Variants in ITGB1 observed in about 807,000 individuals in gnomAD.
ITGB1 encodes integrin subunit beta 1.
A neutral mutation model predicts 86.5 loss-of-function variants in ITGB1; 24 were observed. The observed-to-expected ratio is 0.28, with a 90% CI of 0.20 to 0.39. ITGB1 has a LOEUF of 0.39. Ranked by LOEUF, ITGB1 falls within the 10% of genes least tolerant of loss-of-function variation. ITGB1 has a pLI of 1.00. For synonymous variants in ITGB1, 323 were observed against 316.8 expected, an observed-to-expected ratio of 1.02 and a Z score of -0.21; for missense variants, 556 against 946.9, an observed-to-expected ratio of 0.59 and a Z score of 5.42.
chr10:32,925,727 AAGGGTTT>A lies in ITGB1; in HGVS notation c.786+137_786+143del, dbSNP rs1357900790. On this transcript the variant is annotated intron_variant, in intron 6 of 15. Coordinates refer to ENST00000302278, the MANE Select transcript of ITGB1 (RefSeq NM_002211.4). ...GGCACTTTATGTATACAGGCAATTT[AAGGGTTT>A]ACTTAAAATTACTTCTCTAAGATAA... The A allele has an allele frequency of 4.6e-6, 3 of 647,306 alleles. No individual in the cohort carries two copies. The East Asian group carries it at 8.0e-5, about 17-fold the overall frequency. The allele number at this position is 647,306 out of a possible 1,614,324, so 40.1% of individuals were successfully genotyped here.
At chr10:32,950,852 C>T (rs1325096890) in intron 1 of ITGB1, among the ~76,000 whole-genome samples, 1 of 152,270 alleles carries the variant, frequency 6.6e-6, no homozygotes, top group Non-Finnish European at 1.5e-5. Flanking sequence ...GCTCACAACA[C>T]GGCGAGATAC....
intron 1 of ITGB1, among the ~76,000 whole-genome samples, chr10:32,952,886 A>T (rs2095045293): frequency 6.6e-6 from 1 of 152,156 alleles, no homozygotes; most frequent in Admixed American, 6.5e-5. Context: ...TTAATAATAT[A>T]GTGTTATTTC....
Position 32,918,578 on chromosome 10 carries a change from T to C in ITGB1, c.1469+1307A>G, listed in dbSNP as rs150122882. 7.7e-3 allele frequency among the ~76,000 whole-genome samples: 1,166 copies of C among 152,234 alleles called. 7 individuals are homozygous for C. Among genetic ancestry groups the C allele is most frequent in the Middle Eastern group, 0.02 (6 of 294 alleles). The stretch of plus-strand genomic sequence containing the variant: ...GCCACTCAAGTTCATATGGAATATA[T>C]GCAAGAGTCTAGGAAAAAAATTTCT... On this transcript the variant is annotated intron_variant, in intron 11 of 15. Coordinates refer to ENST00000302278, the MANE Select transcript of ITGB1 (RefSeq NM_002211.4).
At chr10:32,924,571 AAC>A (rs1162871632) in intron 6 of ITGB1, among the ~76,000 whole-genome samples, 1 of 152,174 alleles carries the variant, frequency 6.6e-6, no homozygotes, top group African/African-American at 2.4e-5. Flanking sequence ...CAGCATGACC[AAC>A]ACAGAAAAAC....
rs2094970684 is a variant in ITGB1, at chr10:32,927,982, CTTGT to C, written c.547+108_547+111del. On this transcript the variant is annotated intron_variant, in intron 5 of 15. Coordinates refer to ENST00000302278, the MANE Select transcript of ITGB1 (RefSeq NM_002211.4). ...CACTCAGAAAAGGCTAAAAAACTGG[CTTGT>C]TTATCTCACAAGTATGTTGTGAGTA... The C allele has an allele frequency of 2.2e-5, 14 of 627,606 alleles. No individual in the cohort carries two copies. The South Asian group carries it at 2.9e-4, about 13-fold the overall frequency. 38.9% of individuals were successfully genotyped at this position (627,606 alleles called of 1,614,324 possible). A position where few individuals can be genotyped will look rare whatever the true frequency, so the allele number is the denominator to read the frequency against.
At chr10:32,945,143 C>T (rs1002415801) in intron 1 of ITGB1, 4 of 344,354 alleles carry the variant, frequency 1.2e-5, no homozygotes, top group Non-Finnish European at 2.2e-5. Flanking sequence ...ATTCTGGATA[C>T]TGAGGATGTG....
intron 1 of ITGB1, among the ~76,000 whole-genome samples, chr10:32,943,386 C>T (rs893786629): frequency 6.6e-6 from 1 of 151,436 alleles, no homozygotes; most frequent in African/African-American, 2.4e-5. Flanking sequence ...TGTAGAAATG[C>T]CCAAATCTCT....
chr10:32,923,033 T>C (rs530312861), intron 7 of ITGB1, among the ~76,000 whole-genome samples: 3 of 152,318 alleles, frequency 2.0e-5, no homozygotes, highest in South Asian at 2.1e-4. Flanking sequence ...AAAAATTCCA[T>C]ATTCAAAAGG....
At chr10:32,942,473 C>T (rs756515205) in intron 1 of ITGB1, among the ~76,000 whole-genome samples, 9 of 152,166 alleles carry the variant, frequency 5.9e-5, no homozygotes, top group Non-Finnish European at 7.3e-5. Flanking sequence ...AACATGTCTT[C>T]CCTGATGGAT....
intron 11 of ITGB1, among the ~76,000 whole-genome samples, chr10:32,918,275 A>T (rs1472954673): frequency 6.6e-6 from 1 of 152,146 alleles, no homozygotes; most frequent in Non-Finnish European, 1.5e-5. Flanking sequence ...GCACACCAAC[A>T]TGTCACATGT....
At position 32,927,612 on chromosome 10, in the gene ITGB1, T is replaced by A. The variant is rs3780870; in HGVS notation, c.547+482A>T. The stretch of plus-strand genomic sequence containing the variant: ...TTCGAGACCAGCCTGGCCAACATGG[T>A]GAAACCCCCATCTCTACTAAAAATA... On this transcript the variant is annotated intron_variant, in intron 5 of 15. Transcript: ENST00000302278. 5.3e-5 allele frequency among the ~76,000 whole-genome samples: 8 copies of A among 152,164 alleles called. No homozygotes were observed. The East Asian group carries it at 1.6e-3, about 29-fold the overall frequency.
At chr10:32,936,303 T>G (rs796730258) in intron 1 of ITGB1, 8 of 152,352 alleles carry the variant, frequency 5.3e-5, no homozygotes, top group African/African-American at 1.9e-4. Flanking sequence ...CGTGGGTGCC[T>G]GTAGTCCCAG....
intron 1 of ITGB1, among the ~76,000 whole-genome samples, chr10:32,936,781 G>A (rs1291999083): frequency 1.3e-5 from 2 of 152,086 alleles, no homozygotes; most frequent in Admixed American, 6.5e-5. Flanking sequence ...TCTTGGACTA[G>A]CAGCCAATCT....
chr10:32,906,176 T>C (rs942165866), intron 15 of ITGB1, among the ~76,000 whole-genome samples: 6 of 152,220 alleles, frequency 3.9e-5, no homozygotes, highest in African/African-American at 9.6e-5. Context: ...AATAATGATA[T>C]TGTAGTTGCA....
At chr10:32,942,374 G>T (rs2095020426) in intron 1 of ITGB1, among the ~76,000 whole-genome samples, 1 of 152,186 alleles carries the variant, frequency 6.6e-6, no homozygotes, top group Non-Finnish European at 1.5e-5. Flanking sequence ...TACAGTGAGA[G>T]CCTGCAATGG....
intron 8 of ITGB1, 30 bp from the exon 9 acceptor site, chr10:32,922,376 A>G (rs767952961): frequency 1.4e-6 from 2 of 1,418,548 alleles, no homozygotes; most frequent in Non-Finnish European, 2.0e-6. Context: ...CACGTAAAAT[A>G]CAACTGCTAT....
chr10:32,903,039 A>G (rs113646266), intron 15 of ITGB1, among the ~76,000 whole-genome samples: 1 of 152,004 alleles, frequency 6.6e-6, no homozygotes, highest in African/African-American at 2.4e-5. Context: ...GTAGAAATAC[A>G]TACAGTTCAG....
At chr10:32,916,936 A>C (rs569210984) in intron 11 of ITGB1, among the ~76,000 whole-genome samples, 116 of 152,354 alleles carry the variant, frequency 7.6e-4, no homozygotes, top group Non-Finnish European at 1.1e-3. Context: ...ACCTGACTTC[A>C]AACTATACTA....
intron 4 of ITGB1, among the ~76,000 whole-genome samples, chr10:32,929,366 G>A (rs185237803): frequency 3.3e-5 from 5 of 152,228 alleles, no homozygotes; most frequent in South Asian, 2.1e-4. Flanking sequence ...AAGAAAGGTC[G>A]GAAACCAGAA....
Sources: allele counts gnomAD v4.1 joint callset (sites outside exome capture counted in the v4.1 genomes callset), GRCh38; gene constraint gnomAD v4.1.1; transcripts MANE v1.5; gene names NCBI Gene and HGNC (gene_info 2026-07-23, HGNC 2026-07-21).